CLIC5: variants seen among roughly 807,000 people sequenced by gnomAD.
CLIC5 encodes the protein chloride intracellular channel protein 5.
In CLIC5, 20 loss-of-function variants were observed where a neutral mutation model predicts 24.7. The ratio of observed to expected loss-of-function variants is 0.81; its 90% CI spans 0.57 to 1.18. The LOEUF (loss-of-function observed/expected upper bound fraction) is 1.18. Among genes scored for constraint, CLIC5 ranks in the 50% most tolerant of loss-of-function variants. The probability of loss-of-function intolerance (pLI) is 0.00; values close to 1 mark genes in which losing one functional copy is unlikely to be tolerated. For synonymous variants in CLIC5, 159 were observed against 135.6 expected (o/e 1.17, Z -1.20); for missense variants, 341 against 326.1 (o/e 1.05, Z -0.35).
At chr6:45,885,275 A>G (rs1357178572) in intron 6 of CLIC5, among the ~76,000 whole-genome samples, 2 of 152,118 alleles carry the variant, frequency 1.3e-5, no homozygotes, top group African/African-American at 4.8e-5. Context: ...ATACAATGAG[A>G]AGTCAGCCTT....
intron 5 of CLIC5, chr6:45,912,632 G>T: frequency 1.3e-6 from 2 of 1,505,494 alleles, no homozygotes; most frequent in Non-Finnish European, 1.8e-6. Context: ...CTGCTAGTTG[G>T]CAGCAAATAC....
At chr6:46,057,111 T>C (rs1463279057) in intron 1 of CLIC5, among the ~76,000 whole-genome samples, 1 of 152,236 alleles carries the variant, frequency 6.6e-6, no homozygotes, top group African/African-American at 2.4e-5. Flanking sequence ...TGGTATGATG[T>C]TGCATTCTAT....
intron 2 of CLIC5, 119 bp from the exon 3 acceptor site, chr6:45,949,500 CAG>C: frequency 8.7e-7 from 1 of 1,148,908 alleles, no homozygotes; most frequent in East Asian, 2.5e-5. Context: ...TCAGGTGAAA[CAG>C]ATTTATGGTA....
chr6:45,940,569 G>A lies in CLIC5; in HGVS notation c.406+978C>T, dbSNP rs78443746. 3.2e-3 allele frequency among the ~76,000 whole-genome samples: 492 copies of A among 152,314 alleles called. 1 individual carries two copies. Among genetic ancestry groups the A allele is most frequent in the Middle Eastern group, 6.8e-3 (2 of 294 alleles). On this transcript the variant is annotated intron_variant, in intron 4 of 5. Coordinates refer to ENST00000339561, the MANE Select transcript of CLIC5 (RefSeq NM_016929.5). ...CTCCTTGGAGCTTCTGGGGCATCTA[G>A]CATCTATTCCCTTGTTTTGGTCCAT...
the CLIC5 span, among the ~76,000 whole-genome samples, chr6:46,115,614 T>C: frequency 2.0e-4 from 31 of 152,234 alleles, no homozygotes; most frequent in Admixed American, 2.0e-3. Flanking sequence ...GTTAACCAAT[T>C]TTGTTCACCT....
chr6:46,031,557 T>TATTG (rs1298134760), intron 1 of CLIC5, among the ~76,000 whole-genome samples: 1 of 152,160 alleles, frequency 6.6e-6, no homozygotes, highest in African/African-American at 2.4e-5. Flanking sequence ...AGGAAGTGTA[T>TATTG]ATTGGTACAA....
the CLIC5 span, among the ~76,000 whole-genome samples, chr6:46,118,128 CT>C: frequency 2.0e-5 from 3 of 152,330 alleles, no homozygotes; most frequent in East Asian, 5.8e-4. Flanking sequence ...GGATGTCTCT[CT>C]TCTTCTTACA....
chr6:46,021,756 AG>A lies in CLIC5; in HGVS notation c.540+57946del, dbSNP rs540435904. ...TAAAAAAATTATAGGGATGGAGAGA[AG>A]ATCAGTGGCTGCCAGGGACTGGGAT... is the stretch of plus-strand genomic sequence containing the variant. On this transcript the variant is annotated intron_variant, in intron 1 of 5. Coordinates refer to the CLIC5 transcript ENST00000185206. Among the ~76,000 whole-genome samples the A allele has an allele frequency of 9.0e-4, 137 of 152,348 alleles. 1 individual carries two copies. The highest frequency in any genetic ancestry group is 3.2e-3 in the African/African-American group (132 of 41,578).
Position 45,941,402 on chromosome 6 carries a change from C to CG in CLIC5, c.406+144dup, listed in dbSNP as rs11421773. ...GTCAAGGGGGACAAGATGGTGGTGG[C>CG]GGGGGGTGGGGGCAAATAATAAGCA... On this transcript the variant is annotated intron_variant, in intron 4 of 5. Coordinates refer to ENST00000339561, the MANE Select transcript of CLIC5 (RefSeq NM_016929.5). The CG allele has an allele frequency of 0.99, 628,829 of 637,014 alleles. 310,417 individuals are homozygous for CG. The highest frequency in any genetic ancestry group is 1 in the East Asian group (35,782 of 35,818). The allele number at this position is 637,014 out of a possible 1,614,324, so 39.5% of individuals were successfully genotyped here.
At chr6:46,120,569 A>G in the CLIC5 span, among the ~76,000 whole-genome samples, 1 of 152,258 alleles carries the variant, frequency 6.6e-6, no homozygotes, top group East Asian at 1.9e-4. Flanking sequence ...GCAATGGACC[A>G]AAGCTGGACG....
At position 45,945,322 on chromosome 6, in the gene CLIC5, C is replaced by T. The variant is rs540298672; in HGVS notation, c.300-3669G>A. ...GAGAATTCAGGTCATTTGCCTGTAG[C>T]GGAGAATATGCATACTCACTAAATA... On this transcript the variant is annotated intron_variant, in intron 3 of 5. Coordinates refer to ENST00000339561, the MANE Select transcript of CLIC5 (RefSeq NM_016929.5). 1.4e-4 allele frequency among the ~76,000 whole-genome samples: 22 copies of T among 152,260 alleles called. No homozygotes were observed. In the South Asian group the frequency reaches 1.5e-3, roughly 10 times the overall value.
upstream of CLIC5, among the ~76,000 whole-genome samples, chr6:46,082,968 G>A (rs533355289): frequency 1.1e-4 from 17 of 152,304 alleles, no homozygotes; most frequent in African/African-American, 3.8e-4. Context: ...ACCTAGAACA[G>A]TGTCTGGTAC....
At chr6:45,921,336 T>G (rs1763252008) in intron 4 of CLIC5, among the ~76,000 whole-genome samples, 1 of 152,194 alleles carries the variant, frequency 6.6e-6, no homozygotes, top group Non-Finnish European at 1.5e-5. Flanking sequence ...TATGTTTGCA[T>G]GTCACTGGTT....
At chr6:45,894,154 A>G (rs1257338347), downstream of CLIC5, among the ~76,000 whole-genome samples, 2 of 152,234 alleles carry the variant, frequency 1.3e-5, no homozygotes, top group Non-Finnish European at 2.9e-5. Flanking sequence ...CATGAGGTAT[A>G]TTTCACTTAT....
At chr6:46,006,931 C>G (rs949741281) in intron 1 of CLIC5, among the ~76,000 whole-genome samples, 2 of 152,146 alleles carry the variant, frequency 1.3e-5, no homozygotes, top group Non-Finnish European at 2.9e-5. Context: ...CTCGGCCTCC[C>G]AAAGTGCTGA....
At chr6:45,890,067 G>A (rs2127283083) in intron 6 of CLIC5, among the ~76,000 whole-genome samples, 1 of 152,254 alleles carries the variant, frequency 6.6e-6, no homozygotes, top group African/African-American at 2.4e-5. Context: ...CAAGTTCTTT[G>A]CCCATTTTTA....
chr6:45,987,985 C>A (rs150218820), intron 1 of CLIC5, among the ~76,000 whole-genome samples: 44 of 152,288 alleles, frequency 2.9e-4, no homozygotes, highest in Admixed American at 2.2e-3. Context: ...TATTCCACCC[C>A]AACAGCCCTA....
rs529047848 is a variant in CLIC5 at position 45,999,242 on chromosome 6, C to A, written c.63+16238G>T. Among the ~76,000 whole-genome samples the A allele has an allele frequency of 2.3e-4, 35 of 152,224 alleles. No individual in the cohort carries two copies. The South Asian group carries it at 5.2e-3, about 23-fold the overall frequency. On this transcript the variant is annotated intron_variant, in intron 1 of 5. Coordinates refer to ENST00000339561, the MANE Select transcript of CLIC5 (RefSeq NM_016929.5). ...CTGCCAGTTGAAAATAACAGAATGG[C>A]AGAAAGCAGAACCAAAAATCAAGTT...
At chr6:45,904,595 G>A (rs1762598660) in intron 5 of CLIC5, among the ~76,000 whole-genome samples, 1 of 54,616 alleles carries the variant, frequency 1.8e-5, no homozygotes, top group South Asian at 5.2e-4. Context: ...TAGGGTAGGG[G>A]TAACAGGAGA....
Sources: gnomAD v4.1 joint callset for allele counts (sites outside exome capture counted in the v4.1 genomes callset) on GRCh38, gnomAD v4.1.1 for gene constraint, MANE v1.5 for transcripts, NCBI Gene and HGNC (gene_info 2026-07-23, HGNC 2026-07-21) for gene names.